Variants in SNAP29 observed in about 807,000 individuals in gnomAD.
SNAP29 encodes synaptosomal-associated protein 29.
A neutral mutation model predicts 27.9 loss-of-function variants in SNAP29; 13 were observed. That is an observed-to-expected ratio of 0.47 (90% CI 0.30 to 0.74). The LOEUF is 0.74. SNAP29 is among the 30% of genes least tolerant of loss of function. The pLI is 0.06. For synonymous variants in SNAP29, 119 were observed against 127.1 expected, an observed-to-expected ratio of 0.94 and a Z score of 0.43; for missense variants, 368 against 336.5, an observed-to-expected ratio of 1.09 and a Z score of -0.73.
Position 20,871,473 on chromosome 22 carries a change from C to G in SNAP29, c.434+940C>G, listed in dbSNP as rs180919643. Among the ~76,000 whole-genome samples, 234 of 125,824 alleles carry G rather than the reference C, an allele frequency of 1.9e-3. 1 individual carries two copies. The highest frequency in any genetic ancestry group is 6.6e-3 in the African/African-American group (224 of 34,070). 82.5% of individuals were successfully genotyped at this position (125,824 alleles called of 152,430 possible). A position where few individuals can be genotyped will look rare whatever the true frequency, so the allele number is the denominator to read the frequency against. On this transcript the variant is annotated intron_variant, in intron 2 of 4. Coordinates refer to ENST00000215730, the MANE Select transcript of SNAP29 (RefSeq NM_004782.4). The stretch of plus-strand genomic sequence containing the variant: ...CACTACAGCATCAGTGACAGAGTCT[C>G]CCTGTCTCTAAAAAAAAAAAAAAAA...
chr22:20,888,419 A>T lies in SNAP29; in HGVS notation c.*583A>T. On this transcript the variant is annotated 3_prime_UTR_variant, in exon 5 of 5. Transcript: ENST00000215730. The stretch of plus-strand genomic sequence containing the variant: ...AGAAAGGATCAGTGTTAGAATGGGA[A>T]ATAGAGTGTGCCATCTTGCTCTTTT... 1 of 171,852 alleles carries T rather than the reference A, an allele frequency of 5.8e-6. No homozygotes were observed. The highest frequency in any genetic ancestry group is 1.3e-5 in the Non-Finnish European group (1 of 79,844). 10.6% of individuals were successfully genotyped at this position (171,852 alleles called of 1,614,324 possible). A position where few individuals can be genotyped will look rare whatever the true frequency, so the allele number is the denominator to read the frequency against.
At chr22:20,870,260 C>A (rs1351190555) in intron 1 of SNAP29, 77 bp from the exon 2 acceptor site, 5 of 1,313,956 alleles carry the variant, frequency 3.8e-6, no homozygotes, top group Non-Finnish European at 5.5e-6. Flanking sequence ...TATGAAGGGG[C>A]TGCTCCATGT....
intron 1 of SNAP29, among the ~76,000 whole-genome samples, chr22:20,866,490 T>C (rs1265617478): frequency 6.6e-6 from 1 of 152,164 alleles, no homozygotes; most frequent in Admixed American, 6.5e-5. Flanking sequence ...ACGAGCTCAG[T>C]ATGAGAAACA....
chr22:20,887,583 G>A, intron 4 of SNAP29, 96 bp from the exon 5 acceptor site: 1 of 1,346,138 alleles, frequency 7.4e-7, no homozygotes. Context: ...AGGCAACACA[G>A]ATCCCTGTCT....
At position 20,859,218 on chromosome 22, in the gene SNAP29, C is replaced by G. The variant is rs1333930004; in HGVS notation, c.108C>G (p.Asp36Glu). ...RDARDLPDGP[D>E]APADRQQYLR... The stretch of plus-strand genomic sequence containing the variant: ...CCCGAGACCTCCCCGACGGGCCCGA[C>G]GCGCCCGCGGACAGGCAGCAGTACT... The change falls in exon 1 of 5, where the codon GAC (aspartate) becomes GAG (glutamate). Residue 36 changes from aspartate (D) to glutamate (E), a missense_variant. Physicochemically the swap from Asp to Glu is conservative, Grantham distance 45. Transcript: ENST00000215730. 3 of 1,604,108 alleles carry G rather than the reference C, an allele frequency of 1.9e-6. No homozygotes were observed. The highest frequency in any genetic ancestry group is 2.6e-6 in the Non-Finnish European group (3 of 1,176,424).
intron 1 of SNAP29, 97 bp from the exon 2 acceptor site, chr22:20,870,240 A>G: frequency 1.9e-6 from 2 of 1,049,040 alleles, no homozygotes; most frequent in Non-Finnish European, 1.5e-6. Flanking sequence ...AGATGTGCCC[A>G]CTGAGAGTTT....
chr22:20,860,344 G>A (rs1928248339), intron 1 of SNAP29, among the ~76,000 whole-genome samples: 1 of 150,588 alleles, frequency 6.6e-6, no homozygotes, highest in Admixed American at 6.6e-5. Context: ...GCAACAGACC[G>A]AGATCCTGGA....
intron 4 of SNAP29, among the ~76,000 whole-genome samples, chr22:20,886,449 A>G (rs1053738897): frequency 6.6e-6 from 1 of 151,626 alleles, no homozygotes; most frequent in Admixed American, 6.6e-5. Context: ...CTGGGATTAC[A>G]AGGTGTGCAC....
At chr22:20,870,270 TG>T in intron 1 of SNAP29, 66 bp from the exon 2 acceptor site, 1 of 1,443,688 alleles carries the variant, frequency 6.9e-7, no homozygotes, top group Non-Finnish European at 9.7e-7. Context: ...CTGCTCCATG[TG>T]GTCCTTGACT....
chr22:20,872,409 CT>C (rs362050), intron 2 of SNAP29, among the ~76,000 whole-genome samples: 73,327 of 149,750 alleles, frequency 0.49, 18,376 homozygotes, highest in African/African-American at 0.59. Context: ...CTGGCTAATT[CT>C]TTTTTTTTGA....
intron 1 of SNAP29, 38 bp from the exon 2 acceptor site, chr22:20,870,299 C>T (rs989392813): frequency 1.2e-6 from 2 of 1,605,022 alleles, no homozygotes; most frequent in Non-Finnish European, 1.7e-6. Flanking sequence ...GGGAGAGTCA[C>T]AGAAAGCTAT....
At chr22:20,869,294 G>A (rs1282016787) in intron 1 of SNAP29, among the ~76,000 whole-genome samples, 3 of 152,132 alleles carry the variant, frequency 2.0e-5, no homozygotes, top group African/African-American at 7.2e-5. Flanking sequence ...AGGGGTAGTG[G>A]TTGGAAGAAG....
At chr22:20,861,010 T>C (rs1239730268) in intron 1 of SNAP29, among the ~76,000 whole-genome samples, 1 of 151,968 alleles carries the variant, frequency 6.6e-6, no homozygotes, top group Admixed American at 6.6e-5. Context: ...GCACTCCAGC[T>C]TGGGCGACAG....
In SNAP29 at chr22:20,859,712, T is replaced by G; in HGVS notation, c.237+365T>G. ...AGTCCGTTTCTTCGACATTATTTCCTGTGCAAAATCTGGCACAGGGTTTTG... is the reference window on the plus strand; with the variant it reads ...AGTCCGTTTCTTCGACATTATTTCCGGTGCAAAATCTGGCACAGGGTTTTG... On this transcript the variant is annotated intron_variant, in intron 1 of 4. Transcript: ENST00000215730. The G allele has an allele frequency of 9.7e-6, 3 of 308,818 alleles. No homozygotes were observed. The South Asian group carries it at 9.9e-5, about 10-fold the overall frequency. 19.1% of individuals were successfully genotyped at this position (308,818 alleles called of 1,614,324 possible). A position where few individuals can be genotyped will look rare whatever the true frequency, so the allele number is the denominator to read the frequency against.
In SNAP29 at chr22:20,859,201, C is replaced by T. The variant is rs768945662; in HGVS notation, c.91C>T (p.Leu31Phe). 2.3e-5 allele frequency: 37 copies of T among 1,602,328 alleles called. No individual in the cohort carries two copies. Among genetic ancestry groups the T allele is most frequent in the Middle Eastern group, 1.6e-4 (1 of 6,066 alleles). The change falls in exon 1 of 5, where the codon CTC becomes TTC. Residue 31 changes from leucine to phenylalanine, a missense_variant. Transcript: ENST00000215730. Reference protein sequence around the residue: ...RPAPWRDARDLPDGPDAPADR... With the variant: ...RPAPWRDARDFPDGPDAPADR... ...GGCCCCTTGGAGGGACGCCCGAGAC[C>T]TCCCCGACGGGCCCGACGCGCCCGC...
At chr22:20,860,753 T>C (rs979965706) in intron 1 of SNAP29, among the ~76,000 whole-genome samples, 3 of 152,126 alleles carry the variant, frequency 2.0e-5, no homozygotes, top group Non-Finnish European at 2.9e-5. Context: ...AAAAAAAGGT[T>C]TAAAAAAATG....
intron 1 of SNAP29, among the ~76,000 whole-genome samples, chr22:20,864,003 G>C (rs752652958): frequency 6.6e-6 from 1 of 152,172 alleles, no homozygotes; most frequent in South Asian, 2.1e-4. Context: ...TATGCAGCCT[G>C]TCCCCTAATG....
At chr22:20,859,618 A>G (rs1224177048) in intron 1 of SNAP29, 15 of 519,604 alleles carry the variant, frequency 2.9e-5, no homozygotes, top group Non-Finnish European at 4.5e-5. Context: ...TCACGGGGAA[A>G]CGCCAGATTA....
At chr22:20,875,906 A>C (rs997259113) in intron 2 of SNAP29, among the ~76,000 whole-genome samples, 1 of 152,094 alleles carries the variant, frequency 6.6e-6, no homozygotes. Flanking sequence ...CACGCCTGTA[A>C]TCCCAGCACT....
Sources: allele counts gnomAD v4.1 joint callset (sites outside exome capture counted in the v4.1 genomes callset), GRCh38; gene constraint gnomAD v4.1.1; transcripts MANE v1.5; gene names NCBI Gene and HGNC (gene_info 2026-07-23, HGNC 2026-07-21).